JRK: variants seen among roughly 807,000 people sequenced by gnomAD.
The protein encoded by JRK is jerky protein homolog.
For missense variants in JRK, 720 were observed against 509.2 expected (o/e 1.41, Z -3.98); for synonymous variants, 303 against 218.1 (o/e 1.39, Z -3.43).
chr8:142,663,250 T>C lies in JRK; in HGVS notation c.*1102A>G, dbSNP rs966936314. 11 of 984,858 alleles carry C rather than the reference T, an allele frequency of 1.1e-5. No homozygotes were observed. The highest frequency in any genetic ancestry group is 1.3e-5 in the Non-Finnish European group (11 of 829,540). The allele number at this position is 984,858 out of a possible 1,614,324, so 61.0% of individuals were successfully genotyped here. On this transcript the variant is annotated 3_prime_UTR_variant, in exon 2 of 2. Transcript: ENST00000612905. Reference sequence around the variant, plus strand: ...GTTCTGGAATCTCAGCTGCAGGCAGTGAGTGTTGCCCGTGAAATGGAGATG... The same window carrying C: ...GTTCTGGAATCTCAGCTGCAGGCAGCGAGTGTTGCCCGTGAAATGGAGATG...
At chr8:142,669,175 TGTGTGTGTGTGTGTGTGTGTGTGTGC>T (rs1330927508) in intron 1 of JRK, among the ~76,000 whole-genome samples, 8 of 103,198 alleles carry the variant, frequency 7.8e-5, no homozygotes, top group East Asian at 6.1e-4. Context: ...TGTGTGTGTG[TGTGTGTGTGTGTGTGTGTGTGTGTGC>T]GTGTGTGTGT....
Position 142,661,411 on chromosome 8 carries a change from C to T in JRK, c.*2941G>A, listed in dbSNP as rs1369798857. 54 of 985,302 alleles carry T rather than the reference C, an allele frequency of 5.5e-5. No individual in the cohort carries two copies. The Admixed American group carries it at 5.5e-4, about 10-fold the overall frequency. The allele number at this position is 985,302 out of a possible 1,614,324, so 61.0% of individuals were successfully genotyped here. A position where few individuals can be genotyped will look rare whatever the true frequency, so the allele number is the denominator to read the frequency against. On this transcript the variant is annotated 3_prime_UTR_variant, in exon 2 of 2. Coordinates refer to ENST00000612905, the MANE Select transcript of JRK (RefSeq NM_003724.4). ...CCTGTCCCGAGTGAGGACACAGGAG[C>T]GCCCTCAGGCCTGAGCACTCAGGGG...
chr8:142,662,030 G>C lies in JRK; in HGVS notation c.*2322C>G. ...TGAGGAGGGGCTGCAGGAGGAGCAG[G>C]GCCCGAGTCCCCTGGGTGGCACAAG... On this transcript the variant is annotated 3_prime_UTR_variant, in exon 2 of 2. Transcript: ENST00000612905. The C allele has an allele frequency of 1.0e-6, 1 of 985,452 alleles. No homozygotes were observed. The highest frequency in any genetic ancestry group is 1.2e-6 in the Non-Finnish European group (1 of 829,988). 61.0% of individuals were successfully genotyped at this position (985,452 alleles called of 1,614,324 possible).
Position 142,659,620 on chromosome 8 carries a change from A to C in JRK, c.*4732T>G. The C allele has an allele frequency of 2.0e-6, 2 of 985,568 alleles. No individual in the cohort carries two copies. The highest frequency in any genetic ancestry group is 2.4e-6 in the Non-Finnish European group (2 of 829,986). 61.1% of individuals were successfully genotyped at this position (985,568 alleles called of 1,614,324 possible). A position where few individuals can be genotyped will look rare whatever the true frequency, so the allele number is the denominator to read the frequency against. On this transcript the variant is annotated 3_prime_UTR_variant, in exon 2 of 2. Coordinates refer to ENST00000612905, the MANE Select transcript of JRK (RefSeq NM_003724.4). ...CCCAGCAGGGGCCATACCCAGATTC[A>C]GAGGCTCAGGACCACCACGGAACTG...
At chr8:142,646,181 T>C in the JRK span, among the ~76,000 whole-genome samples, 1 of 152,228 alleles carries the variant, frequency 6.6e-6, no homozygotes, top group Non-Finnish European at 1.5e-5. Context: ...TAGTCATCAT[T>C]TAAAGTTACA....
At position 142,667,295 on chromosome 8, in the gene JRK, T is replaced by C. The variant is rs587688646; in HGVS notation, c.-462-775A>G. Among the ~76,000 whole-genome samples, 5 of 152,108 alleles carry C rather than the reference T, an allele frequency of 3.3e-5. No homozygotes were observed. In the East Asian group the frequency reaches 9.7e-4, roughly 29 times the overall value. ...CTCTTCCAGAGGGGACCCCTCAAGC[T>C]CAGCTCAGGGTACCCTGCCCCAGGC... On this transcript the variant is annotated intron_variant, in intron 1 of 1. Transcript: ENST00000612905.
chr8:142,654,550 G>C (rs587653241), downstream of JRK, among the ~76,000 whole-genome samples: 6 of 152,026 alleles, frequency 3.9e-5, no homozygotes, highest in East Asian at 1.2e-3. Flanking sequence ...GCAATTCAAA[G>C]AAGAGGGCTG....
At position 142,661,358 on chromosome 8, in the gene JRK, G is replaced by T; in HGVS notation, c.*2994C>A. ...GTATGGCCTCTCCTGGGCATCCCGA[G>T]GGATGGGAGCTCCCAGAGTGGAGGC... is the stretch of plus-strand genomic sequence containing the variant. On this transcript the variant is annotated 3_prime_UTR_variant, in exon 2 of 2. Transcript: ENST00000612905. The T allele has an allele frequency of 1.0e-6, 1 of 985,484 alleles. No homozygotes were observed. Among genetic ancestry groups the T allele is most frequent in the Non-Finnish European group, 1.2e-6 (1 of 829,964 alleles). The allele number at this position is 985,484 out of a possible 1,614,324, so 61.0% of individuals were successfully genotyped here. A position where few individuals can be genotyped will look rare whatever the true frequency, so the allele number is the denominator to read the frequency against.
chr8:142,666,915 G>A (rs1325449267), intron 1 of JRK, among the ~76,000 whole-genome samples: 3 of 151,802 alleles, frequency 2.0e-5, no homozygotes, highest in Non-Finnish European at 4.4e-5. Context: ...TAAGCTTCTT[G>A]CTGTAACTGC....
chr8:142,663,513 C>CG lies in JRK; in HGVS notation c.*838_*839insC, dbSNP rs1587522216. 1.2e-4 allele frequency: 119 copies of CG among 985,310 alleles called. No homozygotes were observed. The highest frequency in any genetic ancestry group is 7.9e-4 in the East Asian group (7 of 8,824). The allele number at this position is 985,310 out of a possible 1,614,324, so 61.0% of individuals were successfully genotyped here. On this transcript the variant is annotated 3_prime_UTR_variant, in exon 2 of 2. Coordinates refer to ENST00000612905, the MANE Select transcript of JRK (RefSeq NM_003724.4). Reference sequence around the variant, plus strand: ...GATCAAGACGTATTCATGTAAAGGCCATAAGTATGAAATTCTGGGCAACAT... The same window carrying CG: ...GATCAAGACGTATTCATGTAAAGGCCGATAAGTATGAAATTCTGGGCAACAT...
At chr8:142,647,745 T>C in the JRK span, among the ~76,000 whole-genome samples, 3 of 152,134 alleles carry the variant, frequency 2.0e-5, no homozygotes, top group Non-Finnish European at 4.4e-5. Context: ...TTGGTACCAG[T>C]AGAGTGGGAC....
rs368940077 is a variant in JRK, at chr8:142,664,957, A to G, written c.1102T>C (p.Cys368Arg). 7.8e-6 allele frequency: 6 copies of G among 767,522 alleles called. No homozygotes were observed. Among genetic ancestry groups the G allele is most frequent in the Non-Finnish European group, 7.1e-6 (3 of 422,164 alleles). 47.5% of individuals were successfully genotyped at this position (767,522 alleles called of 1,614,324 possible). A position where few individuals can be genotyped will look rare whatever the true frequency, so the allele number is the denominator to read the frequency against. ...NMNDAIFSVA[C>R]AWNAVPSHVF... ...TGGCTAGGGACTGCGTTCCAGGCAC[A>G]GGCCACGCTGAATATGGCATCGTTC... Residue 368 changes from cysteine (C) to arginine (R), a missense_variant, in exon 2 of 2, where the codon TGT becomes CGT. Physicochemically the swap from Cys to Arg is radical, Grantham distance 180 (BLOSUM62 -3). Transcript: ENST00000612905.
In JRK at chr8:142,659,282, A is replaced by G; in HGVS notation, c.*5070T>C. The G allele has an allele frequency of 9.4e-7, 1 of 1,063,786 alleles. No homozygotes were observed. Among genetic ancestry groups the G allele is most frequent in the Non-Finnish European group, 1.1e-6 (1 of 877,674 alleles). 65.9% of individuals were successfully genotyped at this position (1,063,786 alleles called of 1,614,324 possible). ...ATGCCTTGGCTTGGGGTGGCTTAGG[A>G]CCAGGGCAAGACGCCTGACCCCAGA... On this transcript the variant is annotated 3_prime_UTR_variant, in exon 2 of 2. Transcript: ENST00000612905.
chr8:142,669,108 T>A (rs1015752134), intron 1 of JRK, among the ~76,000 whole-genome samples: 1 of 150,540 alleles, frequency 6.6e-6, no homozygotes, highest in South Asian at 2.1e-4. Flanking sequence ...TGTGTGAGGC[T>A]AAGAGGCCCT....
rs782089658 is a variant in JRK, at chr8:142,665,281, C to T, written c.778G>A (p.Ala260Thr). The change falls in exon 2 of 2, where the codon GCC (alanine) becomes ACC (threonine). Residue 260 changes from alanine to threonine, a missense_variant. Ala to Thr is a moderately conservative substitution (Grantham distance 58, BLOSUM62 0). Coordinates refer to ENST00000612905, the MANE Select transcript of JRK (RefSeq NM_003724.4). ...LPVAYKAQGNAWVDKEIFSDW... is the reference protein window; with the variant it reads ...LPVAYKAQGNTWVDKEIFSDW... Reference sequence around the variant, plus strand: ...GAAAAAATCTCCTTGTCCACCCAGGCGTTCCCCTGGGCCTTATAGGCGACG... The same window carrying T: ...GAAAAAATCTCCTTGTCCACCCAGGTGTTCCCCTGGGCCTTATAGGCGACG... The T allele has an allele frequency of 3.6e-5, 26 of 717,778 alleles. No individual in the cohort carries two copies. Among genetic ancestry groups the T allele is most frequent in the Middle Eastern group, 2.3e-4 (1 of 4,394 alleles). 44.5% of individuals were successfully genotyped at this position (717,778 alleles called of 1,614,324 possible). A position where few individuals can be genotyped will look rare whatever the true frequency, so the allele number is the denominator to read the frequency against.
rs1846841220 is a variant in JRK, at chr8:142,659,318, C to T, written c.*5034G>A. ...ACGCCTGACCCCAGAGCAGACCATG[C>T]TGACACTGGGCAACACATTCCCTGC... On this transcript the variant is annotated 3_prime_UTR_variant, in exon 2 of 2. Coordinates refer to ENST00000612905, the MANE Select transcript of JRK (RefSeq NM_003724.4). 1 of 1,007,916 alleles carries T rather than the reference C, an allele frequency of 9.9e-7. No homozygotes were observed. The highest frequency in any genetic ancestry group is 1.2e-6 in the Non-Finnish European group (1 of 843,850). 62.4% of individuals were successfully genotyped at this position (1,007,916 alleles called of 1,614,324 possible). A position where few individuals can be genotyped will look rare whatever the true frequency, so the allele number is the denominator to read the frequency against.
At chr8:142,656,758 G>A (rs1337204893), downstream of JRK, among the ~76,000 whole-genome samples, 1 of 152,174 alleles carries the variant, frequency 6.6e-6, no homozygotes, top group African/African-American at 2.4e-5. Flanking sequence ...TGCCGTTTGG[G>A]GTGGGGACAA....
Position 142,669,163 on chromosome 8 carries a change from AGTGTGTGTGTGT to A in JRK, c.-463+757_-463+768del, listed in dbSNP as rs59300327. Among the ~76,000 whole-genome samples, 592 of 136,212 alleles carry A rather than the reference AGTGTGTGTGTGT, an allele frequency of 4.3e-3. 4 individuals are homozygous for A. The highest frequency in any genetic ancestry group is 7.5e-3 in the Middle Eastern group (2 of 268). The allele number at this position is 136,212 out of a possible 152,430, so 89.4% of individuals were successfully genotyped here. On this transcript the variant is annotated intron_variant, in intron 1 of 1. Transcript: ENST00000612905. ...CGGGAAACAACCTTCGCAGGGGCAT[AGTGTGTGTGTGT>A]GTGTGTGTGTGTGTGTGTGTGTGTG...
chr8:142,659,389 C>T lies in JRK; in HGVS notation c.*4963G>A, dbSNP rs1039593296. 9.1e-6 allele frequency: 9 copies of T among 988,822 alleles called. No homozygotes were observed. The Admixed American group carries it at 3.0e-4, about 33-fold the overall frequency. 61.3% of individuals were successfully genotyped at this position (988,822 alleles called of 1,614,324 possible). On this transcript the variant is annotated 3_prime_UTR_variant, in exon 2 of 2. Coordinates refer to ENST00000612905, the MANE Select transcript of JRK (RefSeq NM_003724.4). ...GCTACTAAGGAGGCCCAACGATCCT[C>T]GCCTGTGTGGGACGGGGCTACCTGC...
Sources: allele counts gnomAD v4.1 joint callset (sites outside exome capture counted in the v4.1 genomes callset), GRCh38; gene constraint gnomAD v4.1.1; transcripts MANE v1.5; gene names NCBI Gene and HGNC (gene_info 2026-07-23, HGNC 2026-07-21).